The following ZNF432 variants were observed in gnomAD, a reference collection of about 807,000 sequenced individuals.
ZNF432 encodes the protein zinc finger protein 432.
ZNF432 carries 10 observed loss-of-function variants against 13.9 expected under a neutral mutation model. The observed-to-expected ratio is 0.72, with a 90% CI of 0.44 to 1.22. The LOEUF is 1.22. Ranked by LOEUF, ZNF432 falls within the 50% of genes most tolerant of loss-of-function variation. The pLI is 0.00. For synonymous variants in ZNF432, 247 were observed against 256.2 expected (o/e 0.96, Z 0.34); for missense variants, 793 against 796.2 (o/e 1.00, Z 0.05).
chr19:52,034,958 CTT>C lies in ZNF432; in HGVS notation c.719_720del (p.Lys240SerfsTer10). Reference sequence around the variant, plus strand: ...TTTAGCCTGGACTTTCTGGAGAACACTTTTGCACACAAAGTACATCCATAAGG... The same window carrying C: ...TTTAGCCTGGACTTTCTGGAGAACACTTGCACACAAAGTACATCCATAAGG... Reference protein sequence around the residue: ...EKPYGCTLCAKVFSRKSRLNE... With the variant: ...EKPYGCTLCAXVFSRKSRLNE... On this transcript the variant is annotated frameshift_variant, in exon 5 of 5. Transcript: ENST00000221315. LOFTEE classifies it low-confidence loss of function (END_TRUNC). 3 of 1,612,868 alleles carry C rather than the reference CTT, an allele frequency of 1.9e-6. 1 individual carries two copies. The highest frequency in any genetic ancestry group is 2.2e-5 in the South Asian group (2 of 90,722).
chr19:52,039,983 C>T (rs986625555), intron 4 of ZNF432, among the ~76,000 whole-genome samples: 7 of 151,520 alleles, frequency 4.6e-5, no homozygotes, highest in African/African-American at 1.7e-4. Context: ...TCATACACTA[C>T]AAAGCACTGA....
At position 52,034,585 on chromosome 19, in the gene ZNF432, C is replaced by T. The variant is rs550723796; in HGVS notation, c.1094G>A (p.Arg365Gln). The change falls in exon 5 of 5, where the codon CGA becomes CAA. Residue 365 changes from arginine to glutamine, a missense_variant. By Grantham distance (43) the Arg-to-Gln change is conservative (BLOSUM62 1). Transcript: ENST00000221315. ...TTKHYVIIHQ[R>Q]NHTGEKPYIC... ...ATATGGTTTCTCTCCTGTATGATTT[C>T]GTTGATGTATGATGACATAGTGTTT... The T allele has an allele frequency of 1.1e-5, 18 of 1,613,448 alleles. No individual in the cohort carries two copies. The highest frequency in any genetic ancestry group is 6.7e-5 in the Admixed American group (4 of 59,958).
In ZNF432 at chr19:52,033,502, G is replaced by A. The variant is rs569032782; in HGVS notation, c.*218C>T. 6 of 515,602 alleles carry A rather than the reference G, an allele frequency of 1.2e-5. No homozygotes were observed. The South Asian group carries it at 1.7e-4, about 15-fold the overall frequency. The allele number at this position is 515,602 out of a possible 1,614,324, so 31.9% of individuals were successfully genotyped here. Reference sequence around the variant, plus strand: ...CCAATCCACAGACTCTCTCTCAGATGAGTAATTTTCTATACATTGGTACAT... The same window carrying A: ...CCAATCCACAGACTCTCTCTCAGATAAGTAATTTTCTATACATTGGTACAT... On this transcript the variant is annotated 3_prime_UTR_variant, in exon 5 of 5. Coordinates refer to ENST00000221315, the MANE Select transcript of ZNF432 (RefSeq NM_014650.4).
rs150906232 is a variant in ZNF432, at chr19:52,035,041, G to A, written c.638C>T (p.Ala213Val). Residue 213 changes from alanine (A) to valine (V), a missense_variant, in exon 5 of 5, where the codon GCG becomes GTG. Ala to Val is a moderately conservative substitution (Grantham distance 64, BLOSUM62 0). Transcript: ENST00000221315. ...AGTGAGCTGAGACTTCTTGACAAACGCTTTCCCACATTCACTGCATACGTG... is the reference window on the plus strand; with the variant it reads ...AGTGAGCTGAGACTTCTTGACAAACACTTTCCCACATTCACTGCATACGTG... ...KNHVCSECGK[A>V]FVKKSQLTDH... The A allele has an allele frequency of 2.6e-4, 416 of 1,613,462 alleles. No homozygotes were observed. In the African/African-American group the frequency reaches 4.9e-3, roughly 19 times the overall value.
chr19:52,040,746 T>A (rs145883034), intron 3 of ZNF432, among the ~76,000 whole-genome samples, 163 bp from the exon 4 acceptor site: 234 of 152,174 alleles, frequency 1.5e-3, no homozygotes, highest in African/African-American at 5.4e-3. Context: ...ATCTGAAAAT[T>A]TCACATCCAG....
chr19:52,046,126 T>C (rs905737707), intron 2 of ZNF432, among the ~76,000 whole-genome samples: 2 of 151,058 alleles, frequency 1.3e-5, no homozygotes, highest in Non-Finnish European at 1.5e-5. Context: ...CAGAAGGATA[T>C]TGTATATTCT....
At chr19:52,040,456 ATTAC>A (rs2087123303) in intron 4 of ZNF432, 28 bp downstream of exon 4, 9 of 1,583,016 alleles carry the variant, frequency 5.7e-6, no homozygotes, top group African/African-American at 5.4e-5. Context: ...TGACTATAAT[ATTAC>A]TTACGCATCT....
At chr19:52,041,336 C>T (rs902194325) in intron 3 of ZNF432, 144 bp downstream of exon 3, 26 of 1,030,116 alleles carry the variant, frequency 2.5e-5, no homozygotes, top group African/African-American at 3.3e-5. Context: ...TGAGGGGTGA[C>T]GGTATATCCT....
At position 52,033,842 on chromosome 19, in the gene ZNF432, T is replaced by G; in HGVS notation, c.1837A>C (p.Ile613Leu). ...GKGFTMKSRL[I>L]VHQRTHTGEK... ...CCTGTATGAGTTCGTTGATGAACAA[T>G]TAGACGGCTCTTCATAGTGAAGCCT... Residue 613 changes from isoleucine to leucine, a missense_variant, in exon 5 of 5, where the codon ATT (isoleucine) becomes CTT (leucine). By Grantham distance (5) the Ile-to-Leu change is conservative (BLOSUM62 2). Coordinates refer to ENST00000221315, the MANE Select transcript of ZNF432 (RefSeq NM_014650.4). 1 of 1,614,076 alleles carries G rather than the reference T, an allele frequency of 6.2e-7. No homozygotes were observed. Among genetic ancestry groups the G allele is most frequent in the Non-Finnish European group, 8.5e-7 (1 of 1,180,008 alleles).
chr19:52,041,140 G>A (rs2087132850), intron 3 of ZNF432, among the ~76,000 whole-genome samples: 1 of 152,000 alleles, frequency 6.6e-6, no homozygotes, highest in Non-Finnish European at 1.5e-5. Flanking sequence ...AAAACATATA[G>A]TATAACAACT....
At chr19:52,044,706 T>A (rs2087165804) in intron 2 of ZNF432, among the ~76,000 whole-genome samples, 1 of 152,202 alleles carries the variant, frequency 6.6e-6, no homozygotes, top group Admixed American at 6.5e-5. Context: ...AATTTGATAA[T>A]GTCATATTTT....
Position 52,047,010 on chromosome 19 carries a change from T to A in ZNF432, c.-142A>T. The A allele has an allele frequency of 1.2e-6, 1 of 809,178 alleles. No individual in the cohort carries two copies. The highest frequency in any genetic ancestry group is 2.9e-5 in the Admixed American group (1 of 34,376). 50.1% of individuals were successfully genotyped at this position (809,178 alleles called of 1,614,324 possible). A position where few individuals can be genotyped will look rare whatever the true frequency, so the allele number is the denominator to read the frequency against. ...TCATATCTAGGTCCTGGAATCTTCC[T>A]CTTTCTTCATTTACTTCTTGTCTCT... is the stretch of plus-strand genomic sequence containing the variant. On this transcript the variant is annotated 5_prime_UTR_variant, in exon 2 of 5. Coordinates refer to ENST00000221315, the MANE Select transcript of ZNF432 (RefSeq NM_014650.4).
chr19:52,046,109 G>GA (rs1325345447), intron 2 of ZNF432, among the ~76,000 whole-genome samples: 1 of 151,774 alleles, frequency 6.6e-6, no homozygotes, highest in African/African-American at 2.4e-5. Flanking sequence ...AATTGGAGGT[G>GA]AAAATGCAGA....
At position 52,040,507 on chromosome 19, in the gene ZNF432, C is replaced by T; in HGVS notation, c.219G>A (p.Arg73=). ...ACATACCTGGACAGATTCGACTGTGCCTTTCATCTTCCATTGTCCATGGTT... is the reference window on the plus strand; with the variant it reads ...ACATACCTGGACAGATTCGACTGTGTCTTTCATCTTCCATTGTCCATGGTT... ...GEEPWTMEDE[R]HSRICPENNE... The change falls in exon 4 of 5, where the codon AGG becomes AGA. Residue 73 remains arginine, a synonymous_variant. Coordinates refer to ENST00000221315, the MANE Select transcript of ZNF432 (RefSeq NM_014650.4). 6.2e-7 allele frequency: 1 copy of T among 1,614,138 alleles called. No homozygotes were observed.
chr19:52,043,242 T>G (rs567115515), intron 2 of ZNF432, among the ~76,000 whole-genome samples: 1 of 152,294 alleles, frequency 6.6e-6, no homozygotes, highest in African/African-American at 2.4e-5. Flanking sequence ...GCCTTGAGAT[T>G]CTGTTAATCT....
intron 4 of ZNF432, among the ~76,000 whole-genome samples, chr19:52,039,699 C>T (rs1336664792): frequency 6.6e-6 from 1 of 151,652 alleles, no homozygotes; most frequent in Non-Finnish European, 1.5e-5. Context: ...CATGATGGTG[C>T]GCGCCTGTAA....
chr19:52,034,236 T>G lies in ZNF432; in HGVS notation c.1443A>C (p.Gly481=). 1 of 1,614,204 alleles carries G rather than the reference T, an allele frequency of 6.2e-7. No homozygotes were observed. The highest frequency in any genetic ancestry group is 8.5e-7 in the Non-Finnish European group (1 of 1,180,032). The part of the protein sequence containing the change: ...RLIVHQRTHT[G]EKPYRCSECG... ...ATTCACTGCACCTGTAAGGTTTCTCTCCAGTATGAGTTCGCTGATGTACAA... is the reference window on the plus strand; with the variant it reads ...ATTCACTGCACCTGTAAGGTTTCTCGCCAGTATGAGTTCGCTGATGTACAA... Residue 481 remains glycine (G), a synonymous_variant, in exon 5 of 5, where the codon GGA becomes GGC. Transcript: ENST00000221315.
chr19:52,047,846 T>C (rs1047087238), intron 1 of ZNF432, among the ~76,000 whole-genome samples: 27 of 151,948 alleles, frequency 1.8e-4, no homozygotes, highest in African/African-American at 6.0e-4. Flanking sequence ...ATACAAAACC[T>C]GAAACACCCA....
At chr19:52,040,783 T>G (rs994073555) in intron 3 of ZNF432, among the ~76,000 whole-genome samples, 200 bp from the exon 4 acceptor site, 2 of 152,030 alleles carry the variant, frequency 1.3e-5, no homozygotes, top group African/African-American at 2.4e-5. Flanking sequence ...GGATTGAAAA[T>G]ATTTTTTAAA....
Sources: allele counts gnomAD v4.1 joint callset (sites outside exome capture counted in the v4.1 genomes callset), GRCh38; gene constraint gnomAD v4.1.1; transcripts MANE v1.5; gene names NCBI Gene and HGNC (gene_info 2026-07-23, HGNC 2026-07-21).